Variants in RPF2 observed in about 807,000 individuals in gnomAD.
The protein encoded by RPF2 is brix domain containing 1.
In RPF2, 21 loss-of-function variants were observed where a neutral mutation model predicts 38.9. The observed-to-expected ratio is 0.54, with a 90% CI of 0.38 to 0.78. The LOEUF (loss-of-function observed/expected upper bound fraction) is 0.78, where lower values mean the gene tolerates loss of function less well. Ranked by LOEUF, RPF2 falls within the 30% of genes least tolerant of loss-of-function variation. RPF2 has a pLI of 0.00. For missense variants in RPF2, 314 were observed against 358.1 expected (o/e 0.88, Z 0.99); for synonymous variants, 121 against 126.2 (o/e 0.96, Z 0.28).
chr6:111,003,360 G>A (rs147853759), intron 6 of RPF2, among the ~76,000 whole-genome samples: 3 of 151,640 alleles, frequency 2.0e-5, no homozygotes, highest in Non-Finnish European at 2.9e-5. Flanking sequence ...GCGTGATTTC[G>A]TCTCACTGCA....
At chr6:110,992,664 G>GTGTA (rs1771640170) in intron 4 of RPF2, among the ~76,000 whole-genome samples, 1 of 152,148 alleles carries the variant, frequency 6.6e-6, no homozygotes, top group Admixed American at 6.6e-5. Context: ...TCTTATTTGA[G>GTGTA]TGTATAGTCA....
At position 110,996,531 on chromosome 6, in the gene RPF2, C is replaced by T. The variant is rs1273038566; in HGVS notation, c.235-652C>T. On this transcript the variant is annotated intron_variant, in intron 4 of 9. Transcript: ENST00000441448. ...ATGCAATGATAGTAGTGATATCCTG[C>T]GAGTAAAAGGAATTTGTTCAGCAAA... Among the ~76,000 whole-genome samples, 4 of 152,060 alleles carry T rather than the reference C, an allele frequency of 2.6e-5. No individual in the cohort carries two copies. The East Asian group carries it at 7.7e-4, about 29-fold the overall frequency.
chr6:110,983,268 A>G (rs544429597), intron 1 of RPF2, among the ~76,000 whole-genome samples: 2 of 152,218 alleles, frequency 1.3e-5, no homozygotes, highest in Non-Finnish European at 2.9e-5. Flanking sequence ...GTCACATCAT[A>G]AAGTCAGAAT....
chr6:111,025,626 G>A lies in RPF2; in HGVS notation c.*44G>A. 6.9e-7 allele frequency: 1 copy of A among 1,445,084 alleles called. No homozygotes were observed. The highest frequency in any genetic ancestry group is 9.5e-7 in the Non-Finnish European group (1 of 1,055,944). 89.5% of individuals were successfully genotyped at this position (1,445,084 alleles called of 1,614,324 possible). ...TACTGTTTCATTGTGTTCTACTTAA[G>A]AGAATTATCAAGCGTCAATCCATTC... On this transcript the variant is annotated 3_prime_UTR_variant, in exon 10 of 10. Transcript: ENST00000441448.
chr6:110,990,048 C>G, intron 3 of RPF2, among the ~76,000 whole-genome samples: 1 of 152,046 alleles, frequency 6.6e-6, no homozygotes, highest in East Asian at 1.9e-4. Context: ...AAGCAATTCT[C>G]TTGCCTCAAC....
intron 7 of RPF2, among the ~76,000 whole-genome samples, chr6:111,014,421 T>C (rs1772072826): frequency 6.6e-6 from 1 of 152,166 alleles, no homozygotes; most frequent in African/African-American, 2.4e-5. Context: ...CATGAGCCAC[T>C]GCACCTGGCC....
In RPF2 at chr6:111,026,827, A is replaced by G. The variant is rs1437556115; in HGVS notation, c.*1245A>G. On this transcript the variant is annotated 3_prime_UTR_variant, in exon 10 of 10. Transcript: ENST00000441448. Reference sequence around the variant, plus strand: ...TTTATACAAGTGCCAGTAATGTTGTAAAGGTACAGACATACGCAAATCATA... The same window carrying G: ...TTTATACAAGTGCCAGTAATGTTGTGAAGGTACAGACATACGCAAATCATA... 2 of 152,250 alleles carry G rather than the reference A, an allele frequency of 1.3e-5. No individual in the cohort carries two copies. Among genetic ancestry groups the G allele is most frequent in the East Asian group, 3.8e-4 (2 of 5,204 alleles). 9.4% of individuals were successfully genotyped at this position (152,250 alleles called of 1,614,324 possible). A position where few individuals can be genotyped will look rare whatever the true frequency, so the allele number is the denominator to read the frequency against.
rs540785131 is a variant in RPF2 at position 110,996,092 on chromosome 6, A to G, written c.235-1091A>G. ...CTCAGCCTTCCAAAGTGTTGGGATT[A>G]CAGACGTGAGCCACTGCACCCAGCC... On this transcript the variant is annotated intron_variant, in intron 4 of 9. Coordinates refer to ENST00000441448, the MANE Select transcript of RPF2 (RefSeq NM_032194.3). Among the ~76,000 whole-genome samples the G allele has an allele frequency of 6.2e-4, 93 of 150,944 alleles. 1 individual carries two copies. Among genetic ancestry groups the G allele is most frequent in the African/African-American group, 2.2e-3 (89 of 41,084 alleles).
chr6:111,025,259 G>A (rs1008887597), intron 9 of RPF2, 144 bp from the exon 10 acceptor site: 18 of 512,048 alleles, frequency 3.5e-5, no homozygotes, highest in African/African-American at 7.7e-5. Flanking sequence ...AGTTTGAGAA[G>A]AAAAGTGTAT....
chr6:110,989,616 A>G (rs184875002), intron 3 of RPF2, among the ~76,000 whole-genome samples: 136 of 141,036 alleles, frequency 9.6e-4, no homozygotes, highest in Non-Finnish European at 1.7e-3. Context: ...CGCCTGGCTA[A>G]TTTTTGTGTG....
chr6:111,007,345 A>G (rs1316086990), intron 6 of RPF2, among the ~76,000 whole-genome samples: 3 of 152,170 alleles, frequency 2.0e-5, no homozygotes, highest in Non-Finnish European at 4.4e-5. Context: ...CCTTTACATC[A>G]TTCTTTTGCC....
intron 3 of RPF2, among the ~76,000 whole-genome samples, chr6:110,989,476 CG>C (rs1554247306): frequency 6.6e-6 from 1 of 151,924 alleles, no homozygotes; most frequent in South Asian, 2.1e-4. Context: ...TCTTTTGAGA[CG>C]GAGTCCTGTT....
At chr6:111,019,549 C>T (rs1039644516) in intron 8 of RPF2, among the ~76,000 whole-genome samples, 1 of 152,068 alleles carries the variant, frequency 6.6e-6, no homozygotes, top group African/African-American at 2.4e-5. Flanking sequence ...CCAGCCTGGC[C>T]AACATGGCAT....
chr6:110,997,350 G>A (rs937731574), intron 5 of RPF2, 86 bp downstream of exon 5: 1 of 757,346 alleles, frequency 1.3e-6, no homozygotes, highest in South Asian at 1.5e-5. Context: ...CAGCAACTTG[G>A]TTCTTGCCTC....
intron 7 of RPF2, among the ~76,000 whole-genome samples, chr6:111,011,261 A>C (rs1772006928): frequency 6.6e-6 from 1 of 151,582 alleles, no homozygotes. Flanking sequence ...ATATATCCCA[A>C]ATTATCAAGG....
chr6:111,026,360 A>T lies in RPF2; in HGVS notation c.*778A>T, dbSNP rs1204897608. On this transcript the variant is annotated 3_prime_UTR_variant, in exon 10 of 10. Transcript: ENST00000441448. ...GTAGCTGGGATTACAGGCATGAGCC[A>T]CTGAGCCCTACTTTTTTTTTTTAAA... is the stretch of plus-strand genomic sequence containing the variant. The T allele has an allele frequency of 6.6e-6, 1 of 150,540 alleles. No homozygotes were observed. The highest frequency in any genetic ancestry group is 2.1e-4 in the South Asian group (1 of 4,760). 9.3% of individuals were successfully genotyped at this position (150,540 alleles called of 1,614,324 possible). A position where few individuals can be genotyped will look rare whatever the true frequency, so the allele number is the denominator to read the frequency against.
intron 4 of RPF2, among the ~76,000 whole-genome samples, chr6:110,995,235 T>G (rs967479059): frequency 2.6e-5 from 4 of 152,178 alleles, no homozygotes; most frequent in Admixed American, 6.6e-5. Context: ...ACCCACTTTG[T>G]TCAGGACATT....
At chr6:111,024,149 C>T in intron 8 of RPF2, 34 bp from the exon 9 acceptor site, 1 of 1,551,066 alleles carries the variant, frequency 6.4e-7, no homozygotes, top group Non-Finnish European at 8.7e-7. Flanking sequence ...TTATGAAAGT[C>T]AAAGCAACAT....
intron 6 of RPF2, among the ~76,000 whole-genome samples, chr6:111,005,016 T>G (rs148005610): frequency 4.7e-4 from 72 of 152,260 alleles, no homozygotes; most frequent in African/African-American, 1.7e-3. Context: ...TGCTTTTTGT[T>G]CCCTTCTGTA....
Sources: gnomAD v4.1 joint callset for allele counts (sites outside exome capture counted in the v4.1 genomes callset) on GRCh38, gnomAD v4.1.1 for gene constraint, MANE v1.5 for transcripts, NCBI Gene and HGNC (gene_info 2026-07-23, HGNC 2026-07-21) for gene names.